MYH6: variants seen among roughly 807,000 people sequenced by gnomAD.
The protein encoded by MYH6 is myosin heavy chain 6.
A neutral mutation model predicts 223.2 loss-of-function variants in MYH6; 126 were observed. That is an observed-to-expected ratio of 0.56 (90% CI 0.49 to 0.65). MYH6 has a LOEUF of 0.65. Ranked by LOEUF, MYH6 falls within the 30% of genes least tolerant of loss-of-function variation. The probability of loss-of-function intolerance (pLI) is 0.00; values close to 1 mark genes in which losing one functional copy is unlikely to be tolerated. For missense variants in MYH6, 2,040 were observed against 2,536.4 expected (o/e 0.80, Z 4.20); for synonymous variants, 978 against 1,010.2 (o/e 0.97, Z 0.61).
At position 23,393,843 on chromosome 14, in the gene MYH6, C is replaced by A; in HGVS notation, c.2751G>T (p.Leu917=). Residue 917 remains leucine (L), a synonymous_variant, in exon 22 of 39, where the codon CTG becomes CTT. Transcript: ENST00000405093. The stretch of plus-strand genomic sequence containing the variant: ...CATTCATCTCCTTTACTTTGGCCTC[C>A]AGCTGAATCTTGTTTTTGATCAGCT... ...CDQLIKNKIQ[L]EAKVKEMNER... 6.2e-7 allele frequency: 1 copy of A among 1,614,240 alleles called. No individual in the cohort carries two copies. Among genetic ancestry groups the A allele is most frequent in the Non-Finnish European group, 8.5e-7 (1 of 1,180,048 alleles).
chr14:23,397,523 C>A lies in MYH6; in HGVS notation c.1962+20G>T. On this transcript the variant is annotated intron_variant, in intron 16 of 38. Transcript: ENST00000405093. ...TGGGCCATTCCACCAGGTGTCCTGGCACCCCTGGGCCCTTCTTACCCGGTG... is the reference window on the plus strand; with the variant it reads ...TGGGCCATTCCACCAGGTGTCCTGGAACCCCTGGGCCCTTCTTACCCGGTG... 1 of 1,613,146 alleles carries A rather than the reference C, an allele frequency of 6.2e-7. No homozygotes were observed. The highest frequency in any genetic ancestry group is 2.2e-5 in the East Asian group (1 of 44,882).
Position 23,405,436 on chromosome 14 carries a change from G to A in MYH6, c.346-57C>T. The A allele has an allele frequency of 6.2e-7, 1 of 1,612,512 alleles. No homozygotes were observed. ...TGGTGGGGAGAGCCTGGGACAGGCA[G>A]TGGTGGCAGCCAGGCATGTCCCTGT... is the stretch of plus-strand genomic sequence containing the variant. On this transcript the variant is annotated intron_variant, in intron 4 of 38. Coordinates refer to ENST00000405093, the MANE Select transcript of MYH6 (RefSeq NM_002471.4). This position sits in a 1 kb window ranked among gnomAD's most constrained non-coding sequence, Gnocchi z 4.7.
intron 25 of MYH6, among the ~76,000 whole-genome samples, chr14:23,390,808 T>A (rs1406802323): frequency 6.6e-5 from 10 of 152,156 alleles, no homozygotes; most frequent in Admixed American, 6.5e-5. Flanking sequence ...ATCAAGAAGT[T>A]CAGAGTCCCC....
intron 14 of MYH6, among the ~76,000 whole-genome samples, chr14:23,399,375 G>T (rs1033984585): frequency 6.6e-6 from 1 of 152,150 alleles, no homozygotes; most frequent in Non-Finnish European, 1.5e-5. Context: ...CAGAGGCACC[G>T]GGCCAGGCTC....
At chr14:23,403,657 G>T in intron 9 of MYH6, 58 bp downstream of exon 9, 7 of 1,498,380 alleles carry the variant, frequency 4.7e-6, no homozygotes, top group South Asian at 2.3e-5. Flanking sequence ...TGGCCGCCAG[G>T]CAGGGAGAGA....
rs1048120999 is a variant in MYH6 at position 23,397,962 on chromosome 14, T to C, written c.1892-349A>G. 4.5e-3 allele frequency among the ~76,000 whole-genome samples: 553 copies of C among 121,540 alleles called. 15 individuals are homozygous for C. Among genetic ancestry groups the C allele is most frequent in the African/African-American group, 0.016 (476 of 30,108 alleles). 79.7% of individuals were successfully genotyped at this position (121,540 alleles called of 152,430 possible). A position where few individuals can be genotyped will look rare whatever the true frequency, so the allele number is the denominator to read the frequency against. ...CTTCTTCTTCTTCTTCTTCTTCTTC[T>C]TCTTCTTCTTCTTCTTCTTCTTCTT... On this transcript the variant is annotated intron_variant, in intron 15 of 38. Coordinates refer to ENST00000405093, the MANE Select transcript of MYH6 (RefSeq NM_002471.4).
At chr14:23,396,554 G>C in intron 19 of MYH6, 134 bp from the exon 20 acceptor site, 1 of 1,573,298 alleles carries the variant, frequency 6.4e-7, no homozygotes, top group Non-Finnish European at 8.7e-7. Context: ...TGACAAACAA[G>C]ACCGGAATGA....
At position 23,407,642 on chromosome 14, in the gene MYH6, T is replaced by C. The variant is rs1356214930; in HGVS notation, c.-46-34A>G. On this transcript the variant is annotated intron_variant, in intron 1 of 38. Transcript: ENST00000405093. The surrounding 1 kb of genome is among the most constrained non-coding windows in gnomAD (Gnocchi z 5.6). ...TGGGTGGAGCAAGGAACAACAGAGGTAGAGCCGGGCAGAGAGAAGAACAGA... is the reference window on the plus strand; with the variant it reads ...TGGGTGGAGCAAGGAACAACAGAGGCAGAGCCGGGCAGAGAGAAGAACAGA... 17 of 1,114,326 alleles carry C rather than the reference T, an allele frequency of 1.5e-5. No individual in the cohort carries two copies. The highest frequency in any genetic ancestry group is 3.3e-5 in the African/African-American group (2 of 61,322). 69.0% of individuals were successfully genotyped at this position (1,114,326 alleles called of 1,614,324 possible).
Position 23,385,039 on chromosome 14 carries a change from G to C in MYH6, c.5166C>G (p.Asn1722Lys). 1.2e-6 allele frequency: 2 copies of C among 1,614,136 alleles called. No individual in the cohort carries two copies. Among genetic ancestry groups the C allele is most frequent in the Non-Finnish European group, 1.7e-6 (2 of 1,180,016 alleles). The change falls in exon 35 of 39, where the codon AAC (asparagine) becomes AAG (lysine). Residue 1722 changes from asparagine to lysine, a missense_variant and splice_region_variant. By Grantham distance (94) the Asn-to-Lys change is moderately conservative (BLOSUM62 0). Coordinates refer to ENST00000405093, the MANE Select transcript of MYH6 (RefSeq NM_002471.4). ...SERVQLLHSQ[N>K]TSLINQKKKM... ...TCTTCTTCTGGTTGATGAGGCTGGT[G>C]TTCTAGACATGGAGAGAGAAAAATG...
At chr14:23,389,777 G>A (rs1891174575) in intron 26 of MYH6, 58 bp from the exon 27 acceptor site, 2 of 1,613,494 alleles carry the variant, frequency 1.2e-6, no homozygotes, top group Non-Finnish European at 1.7e-6. Flanking sequence ...ACCAGAGGAA[G>A]GAAGAGAGGG....
Position 23,393,494 on chromosome 14 carries a change from C to A in MYH6, c.2953G>T (p.Ala985Ser), listed in dbSNP as rs1010176157. The change falls in exon 23 of 39, where the codon GCT (alanine) becomes TCT (serine). Residue 985 changes from alanine to serine, a missense_variant. Transcript: ENST00000405093. Reference protein sequence around the residue: ...NKVKNLTEEMAGLDEIIAKLT... With the variant: ...NKVKNLTEEMSGLDEIIAKLT... ...TTAGCGATGATTTCATCCAGCCCAGCCATCTCCTCTGTTAGGTTCTTCACC... is the reference window on the plus strand; with the variant it reads ...TTAGCGATGATTTCATCCAGCCCAGACATCTCCTCTGTTAGGTTCTTCACC... 4 of 1,614,014 alleles carry A rather than the reference C, an allele frequency of 2.5e-6. No individual in the cohort carries two copies. The highest frequency in any genetic ancestry group is 1.7e-5 in the Admixed American group (1 of 59,990).
In MYH6 at chr14:23,400,690, C is replaced by G. The variant is rs980937486; in HGVS notation, c.1410+19G>C. ...GCAAGCGAGTGATTGTTCTCCCACT[C>G]CCAGGGGTCCCAACTCACGTCGAAG... On this transcript the variant is annotated intron_variant, in intron 13 of 38. Coordinates refer to ENST00000405093, the MANE Select transcript of MYH6 (RefSeq NM_002471.4). The G allele has an allele frequency of 6.2e-7, 1 of 1,614,116 alleles. No individual in the cohort carries two copies. Among genetic ancestry groups the G allele is most frequent in the African/African-American group, 1.3e-5 (1 of 74,936 alleles).
chr14:23,386,649 G>A (rs1396849883), intron 32 of MYH6, 26 bp from the exon 33 acceptor site: 10 of 1,240,044 alleles, frequency 8.1e-6, no homozygotes, highest in South Asian at 1.3e-5. Context: ...GCGAGGGCGG[G>A]CAGACAGGGC....
chr14:23,388,350 A>T lies in MYH6; in HGVS notation c.4176-12T>A. The T allele has an allele frequency of 6.2e-7, 1 of 1,611,982 alleles. No individual in the cohort carries two copies. The highest frequency in any genetic ancestry group is 8.5e-7 in the Non-Finnish European group (1 of 1,179,936). Reference sequence around the variant, plus strand: ...GGGCCAGCTTCTTTCTGCCCAGGTGAGGGTGGAGGGTGTGTGTGTGACTCT... The same window carrying T: ...GGGCCAGCTTCTTTCTGCCCAGGTGTGGGTGGAGGGTGTGTGTGTGACTCT... On this transcript the variant is annotated splice_polypyrimidine_tract_variant and intron_variant, in intron 29 of 38. Coordinates refer to ENST00000405093, the MANE Select transcript of MYH6 (RefSeq NM_002471.4).
chr14:23,404,535 C>T, intron 7 of MYH6, 147 bp from the exon 8 acceptor site: 8 of 1,137,826 alleles, frequency 7.0e-6, no homozygotes, highest in Non-Finnish European at 1.0e-5. Flanking sequence ...AGGATCCTAC[C>T]CAGACCTCAG....
chr14:23,406,470 G>C (rs1891791515), intron 3 of MYH6, among the ~76,000 whole-genome samples: 3 of 152,204 alleles, frequency 2.0e-5, no homozygotes, highest in Non-Finnish European at 4.4e-5. Flanking sequence ...TTCAGTCAAC[G>C]AGTTCATGAG....
At position 23,400,336 on chromosome 14, in the gene MYH6, C is replaced by A. The variant is rs759217006; in HGVS notation, c.1501G>T (p.Glu501Ter). The part of the protein sequence containing the change: ...NHHMFVLEQE[E>*]YKKEGIEWTF... ...CACTCAATGCCCTCCTTCTTGTACTCCTCCTGCTCCAGCACGAACATGTGG... is the reference window on the plus strand; with the variant it reads ...CACTCAATGCCCTCCTTCTTGTACTACTCCTGCTCCAGCACGAACATGTGG... Residue 501 changes from glutamate to a stop codon, truncating the protein, a stop_gained, in exon 14 of 39, where the codon GAG becomes TAG. Coordinates refer to ENST00000405093, the MANE Select transcript of MYH6 (RefSeq NM_002471.4). LOFTEE classifies it high-confidence loss of function. 14 of 1,614,234 alleles carry A rather than the reference C, an allele frequency of 8.7e-6. No homozygotes were observed. Among genetic ancestry groups the A allele is most frequent in the Non-Finnish European group, 1.2e-5 (14 of 1,180,034 alleles).
intron 25 of MYH6, among the ~76,000 whole-genome samples, chr14:23,392,095 G>T (rs1891250395): frequency 6.6e-6 from 1 of 152,142 alleles, no homozygotes; most frequent in South Asian, 2.1e-4. Flanking sequence ...ACAGTTGTTG[G>T]AATTGGCTCT....
chr14:23,386,752 G>T, intron 32 of MYH6, 129 bp from the exon 33 acceptor site: 1 of 1,184,804 alleles, frequency 8.4e-7, no homozygotes, highest in Non-Finnish European at 1.2e-6. Context: ...ATGGGGAGGT[G>T]GGATCTGCAC....
Sources: gnomAD v4.1 joint callset for allele counts (sites outside exome capture counted in the v4.1 genomes callset) on GRCh38, gnomAD v4.1.1 for gene constraint, Gnocchi (gnomAD v3.1) non-coding constraint, MANE v1.5 for transcripts, NCBI Gene and HGNC (gene_info 2026-07-23, HGNC 2026-07-21) for gene names.